Variants in ADGRV1 observed in about 807,000 individuals in gnomAD.
The protein encoded by ADGRV1 is adhesion G protein-coupled receptor V1, also known as G-protein coupled receptor 98.
In ADGRV1, 359 loss-of-function variants were observed where a neutral mutation model predicts 596.2. That is an observed-to-expected ratio of 0.60 (90% CI 0.55 to 0.66). ADGRV1 has a LOEUF of 0.66. Ranked by LOEUF, ADGRV1 falls within the 30% of genes least tolerant of loss-of-function variation. ADGRV1 has a pLI of 0.00. For synonymous variants in ADGRV1, 2,681 were observed against 2,679.2 expected, an observed-to-expected ratio of 1.00 and a Z score of -0.02; for missense variants, 7,274 against 7,575.6, an observed-to-expected ratio of 0.96 and a Z score of 1.48.
intron 50 of ADGRV1, among the ~76,000 whole-genome samples, chr5:90,730,644 T>A (rs1255421299): frequency 6.6e-6 from 1 of 152,172 alleles, no homozygotes; most frequent in Admixed American, 6.5e-5. Flanking sequence ...ATTATTGCTG[T>A]CTGCAGGTTG....
At chr5:90,687,662 C>T (rs111608865) in intron 29 of ADGRV1, among the ~76,000 whole-genome samples, 38 of 152,014 alleles carry the variant, frequency 2.5e-4, no homozygotes, top group Non-Finnish European at 4.6e-4. Flanking sequence ...ATTGTCTCAG[C>T]GCAAAATCTC....
At chr5:90,966,320 C>T (rs890321320) in intron 84 of ADGRV1, among the ~76,000 whole-genome samples, 2 of 152,026 alleles carry the variant, frequency 1.3e-5, no homozygotes, top group African/African-American at 4.8e-5. Context: ...CACCTGAGGT[C>T]AGGAGTTCAA....
At chr5:90,591,278 C>A (rs574022171) in intron 1 of ADGRV1, among the ~76,000 whole-genome samples, 17 of 152,148 alleles carry the variant, frequency 1.1e-4, no homozygotes, top group African/African-American at 4.1e-4. Context: ...TACTTGTAAT[C>A]CCAGCTACTT....
rs1793538420 is a variant in ADGRV1 at position 91,123,934 on chromosome 5, G to C, written c.18432+21594G>C. On this transcript the variant is annotated intron_variant, in intron 87 of 89. Coordinates refer to ENST00000405460, the MANE Select transcript of ADGRV1 (RefSeq NM_032119.4). ...TAGATAATTCAAATAAACATGACTA[G>C]ATTATGTAGCATGTTAGAAGATGAT... Among the ~76,000 whole-genome samples, 3 of 152,134 alleles carry C rather than the reference G, an allele frequency of 2.0e-5. No individual in the cohort carries two copies. In the South Asian group the frequency reaches 6.2e-4, roughly 32 times the overall value.
intron 86 of ADGRV1, among the ~76,000 whole-genome samples, chr5:91,079,354 T>C (rs184967208): frequency 6.6e-6 from 1 of 152,344 alleles, no homozygotes; most frequent in East Asian, 1.9e-4. Context: ...AAATCCCACA[T>C]GTTAAAAACA....
At chr5:91,035,246 C>T (rs1784771228) in intron 85 of ADGRV1, among the ~76,000 whole-genome samples, 2 of 152,108 alleles carry the variant, frequency 1.3e-5, no homozygotes, top group African/African-American at 4.8e-5. Context: ...TGGAAAGAAA[C>T]CAAATTTTCC....
intron 85 of ADGRV1, among the ~76,000 whole-genome samples, chr5:91,028,877 TACAGGTGCACCTCACCATGTGGCTAA>T (rs1784251960): frequency 6.6e-6 from 1 of 151,848 alleles, no homozygotes; most frequent in Admixed American, 6.6e-5. Context: ...TAGCTAGGAC[TACAGGTGCACCTCACCATGTGGCTAA>T]GTTTTTTTTA....
intron 85 of ADGRV1, among the ~76,000 whole-genome samples, chr5:91,001,794 T>A (rs1179727899): frequency 6.6e-6 from 1 of 152,200 alleles, no homozygotes; most frequent in Non-Finnish European, 1.5e-5. Context: ...AGGGTTCTTT[T>A]TTTCCTGAAT....
At chr5:91,117,950 G>T (rs1221700666) in intron 87 of ADGRV1, among the ~76,000 whole-genome samples, 1 of 152,168 alleles carries the variant, frequency 6.6e-6, no homozygotes, top group Non-Finnish European at 1.5e-5. Context: ...TGTGTGCAAA[G>T]CAGGAACAGT....
chr5:90,710,744 A>G (rs537715485), intron 39 of ADGRV1, among the ~76,000 whole-genome samples: 25 of 152,298 alleles, frequency 1.6e-4, no homozygotes, highest in African/African-American at 4.6e-4. Flanking sequence ...TTATTATTTT[A>G]TACTGTTCTC....
At position 90,694,099 on chromosome 5, in the gene ADGRV1, C is replaced by G; in HGVS notation, c.7343C>G (p.Ala2448Gly). 1 of 1,613,834 alleles carries G rather than the reference C, an allele frequency of 6.2e-7. No homozygotes were observed. ...GCCACTTTGTGCCTTAAGGAACAAGCTTGCTCAGCGTTTTCATTTTTCAGT... is the reference window on the plus strand; with the variant it reads ...GCCACTTTGTGCCTTAAGGAACAAGGTTGCTCAGCGTTTTCATTTTTCAGT... Reference protein sequence around the residue: ...TCATLCLKEQACSAFSFFSAS... With the variant: ...TCATLCLKEQGCSAFSFFSAS... Residue 2448 changes from alanine (A) to glycine (G), a missense_variant, in exon 33 of 90, where the codon GCT becomes GGT. Around this residue, in one of 5 missense-constraint regions of ADGRV1, gnomAD observed 3,643 missense variants for 3,809.2 expected, o/e 0.96. Transcript: ENST00000405460.
intron 77 of ADGRV1, among the ~76,000 whole-genome samples, chr5:90,837,427 A>G (rs1765066129): frequency 6.7e-6 from 1 of 148,620 alleles, no homozygotes; most frequent in African/African-American, 2.5e-5. Flanking sequence ...CTGGAGTGCA[A>G]TGGTGCGATC....
At chr5:90,936,430 A>G (rs1775695295) in intron 83 of ADGRV1, among the ~76,000 whole-genome samples, 1 of 152,204 alleles carries the variant, frequency 6.6e-6, no homozygotes, top group Admixed American at 6.5e-5. Flanking sequence ...ATCTATAAAA[A>G]TCTTCCACTT....
At chr5:90,893,863 A>G (rs777634665) in intron 83 of ADGRV1, among the ~76,000 whole-genome samples, 28 of 152,200 alleles carry the variant, frequency 1.8e-4, no homozygotes, top group Non-Finnish European at 1.0e-4. Flanking sequence ...GAGATTATTA[A>G]TATGTTGTTC....
In ADGRV1 at chr5:90,943,568, C is replaced by A. The variant is rs1581589876; in HGVS notation, c.17857-21847C>A. On this transcript the variant is annotated intron_variant, in intron 83 of 89. Transcript: ENST00000405460. ...GACCTTCCCATCTAAAGTGGAGCTT[C>A]TATCAGTTTCCTTGGGCTAATGTAA... Among the ~76,000 whole-genome samples, 4 of 152,272 alleles carry A rather than the reference C, an allele frequency of 2.6e-5. 1 individual carries two copies. The highest frequency in any genetic ancestry group is 2.6e-4 in the Admixed American group (4 of 15,284).
At chr5:90,851,153 G>A (rs1766478029) in intron 79 of ADGRV1, among the ~76,000 whole-genome samples, 1 of 148,614 alleles carries the variant, frequency 6.7e-6, no homozygotes, top group Non-Finnish European at 1.5e-5. Context: ...GAGAGAGAGA[G>A]AGAGAGAGAG....
In ADGRV1 at chr5:90,789,777, C is replaced by T; in HGVS notation, c.13969C>T (p.Pro4657Ser). The T allele has an allele frequency of 6.5e-7, 1 of 1,549,344 alleles. No individual in the cohort carries two copies. The highest frequency in any genetic ancestry group is 8.7e-7 in the Non-Finnish European group (1 of 1,144,480). The change falls in exon 69 of 90, where the codon CCT becomes TCT. Residue 4657 changes from proline (P) to serine (S), a missense_variant. By Grantham distance (74) the Pro-to-Ser change is moderately conservative. This residue lies in a region of ADGRV1 where 3,643 missense variants were observed against 3,809.2 expected (regional missense o/e 0.96). Coordinates refer to ENST00000405460, the MANE Select transcript of ADGRV1 (RefSeq NM_032119.4). ...ETLSKKTYSE[P>S]LALEGPLLIT... Reference sequence around the variant, plus strand: ...TTTGTCTAAGAAGACTTATTCAGAGCCTCTGGCTCTGGAAGGGCCCCTGCT... The same window carrying T: ...TTTGTCTAAGAAGACTTATTCAGAGTCTCTGGCTCTGGAAGGGCCCCTGCT...
Position 90,807,738 on chromosome 5 carries a change from G to T in ADGRV1, c.14972+1G>T, listed in dbSNP as rs780011571. On this transcript the variant is annotated splice_donor_variant, in intron 73 of 89. Transcript: ENST00000405460. LOFTEE classifies it high-confidence loss of function. ...GTGCTCCTGGCGGAGCTCAACTCCG[G>T]TAAGACCAACCTCATTCTCACCCAA... 20 of 1,543,454 alleles carry T rather than the reference G, an allele frequency of 1.3e-5. No homozygotes were observed. Among genetic ancestry groups the T allele is most frequent in the Non-Finnish European group, 1.8e-5 (20 of 1,138,024 alleles).
intron 89 of ADGRV1, among the ~76,000 whole-genome samples, chr5:91,159,660 A>T (rs1012110910): frequency 6.6e-6 from 1 of 152,044 alleles, no homozygotes; most frequent in African/African-American, 2.4e-5. Flanking sequence ...GGCAAATGAG[A>T]CACTGAGTTC....
Sources: gnomAD v4.1 joint callset for allele counts (sites outside exome capture counted in the v4.1 genomes callset) on GRCh38, gnomAD v4.1.1 for gene constraint, gnomAD v4.1.1 regional missense constraint, MANE v1.5 for transcripts, NCBI Gene and HGNC (gene_info 2026-07-23, HGNC 2026-07-21) for gene names.